The following SAMD3 variants were observed in gnomAD, a reference collection of about 807,000 sequenced individuals.
SAMD3 encodes sterile alpha motif domain containing 3.
SAMD3 carries 63 observed loss-of-function variants against 58.5 expected under a neutral mutation model. The observed-to-expected ratio is 1.08, with a 90% CI of 0.88 to 1.33. SAMD3 has a LOEUF of 1.33. Among genes scored for constraint, SAMD3 ranks in the 40% most tolerant of loss-of-function variants. The probability of loss-of-function intolerance (pLI) is 0.00; values close to 1 mark genes in which losing one functional copy is unlikely to be tolerated. For missense variants in SAMD3, 604 were observed against 608.4 expected (o/e 0.99, Z 0.08); for synonymous variants, 220 against 210.3 (o/e 1.05, Z -0.40).
intron 8 of SAMD3, among the ~76,000 whole-genome samples, chr6:130,170,853 G>A (rs1791184191): frequency 1.3e-5 from 2 of 152,194 alleles, no homozygotes; most frequent in Non-Finnish European, 2.9e-5. Context: ...CGAGATGATG[G>A]TGTTTTCTAA....
At chr6:130,298,493 A>C (rs7755670) in intron 2 of SAMD3, among the ~76,000 whole-genome samples, 2 of 152,146 alleles carry the variant, frequency 1.3e-5, no homozygotes, top group African/African-American at 2.4e-5. Context: ...ATCACTTAGC[A>C]ACAGTATGAC....
chr6:130,204,834 A>G (rs568188822), intron 5 of SAMD3, among the ~76,000 whole-genome samples: 1 of 147,388 alleles, frequency 6.8e-6, no homozygotes, highest in South Asian at 2.2e-4. Context: ...GGAACAGAGG[A>G]AAAAAAAAAT....
At chr6:130,268,574 T>C (rs1774443763) in intron 2 of SAMD3, among the ~76,000 whole-genome samples, 1 of 152,174 alleles carries the variant, frequency 6.6e-6, no homozygotes, top group Admixed American at 6.5e-5. Flanking sequence ...CCTATATAGA[T>C]GCACCACTTT....
intron 2 of SAMD3, among the ~76,000 whole-genome samples, chr6:130,240,144 A>G (rs971969017): frequency 3.3e-5 from 5 of 152,176 alleles, no homozygotes; most frequent in African/African-American, 1.2e-4. Flanking sequence ...AAAATAGAAG[A>G]AGGACAAGAT....
intron 5 of SAMD3, among the ~76,000 whole-genome samples, chr6:130,206,167 G>T (rs1333315248): frequency 6.6e-6 from 1 of 152,192 alleles, no homozygotes; most frequent in African/African-American, 2.4e-5. Flanking sequence ...ACAAGTGATT[G>T]CCCAGGAGGG....
At chr6:130,225,269 G>A (rs191077422), upstream of SAMD3, among the ~76,000 whole-genome samples, 3 of 152,338 alleles carry the variant, frequency 2.0e-5, no homozygotes, top group African/African-American at 4.8e-5. Context: ...AGGTGCTGCA[G>A]TCCAGGAAAT....
At chr6:130,319,369 TA>T (rs374093128) in intron 1 of SAMD3, among the ~76,000 whole-genome samples, 1 of 151,540 alleles carries the variant, frequency 6.6e-6, no homozygotes, top group Admixed American at 6.6e-5. Flanking sequence ...TAAAACCAGT[TA>T]AAAAAAGAAA....
intron 2 of SAMD3, among the ~76,000 whole-genome samples, chr6:130,276,477 A>C (rs763492854): frequency 2.6e-5 from 4 of 152,178 alleles, no homozygotes; most frequent in Non-Finnish European, 5.9e-5. Flanking sequence ...TGGGTGGAAT[A>C]ATATGAGTCT....
Position 130,317,844 on chromosome 6 carries a change from A to G in SAMD3, c.-303-4751T>C, listed in dbSNP as rs554249504. ...TAGTGTCCCAGCTTACTGCCTGGAGAGAGTATTCAGGCTGCAGGCCTATAT... is the reference window on the plus strand; with the variant it reads ...TAGTGTCCCAGCTTACTGCCTGGAGGGAGTATTCAGGCTGCAGGCCTATAT... On this transcript the variant is annotated intron_variant, in intron 1 of 13. Transcript: ENST00000368134. Among the ~76,000 whole-genome samples, 5 of 152,328 alleles carry G rather than the reference A, an allele frequency of 3.3e-5. No individual in the cohort carries two copies. In the South Asian group the frequency reaches 1.0e-3, roughly 32 times the overall value.
chr6:130,329,492 T>G (rs1186656192), intron 1 of SAMD3, among the ~76,000 whole-genome samples: 1 of 152,182 alleles, frequency 6.6e-6, no homozygotes, highest in Admixed American at 6.5e-5. Flanking sequence ...TCAACCATTG[T>G]GGAAGACAGT....
At chr6:130,189,103 C>CAAAAAAAAAAAAAAAACA (rs71028200) in intron 5 of SAMD3, among the ~76,000 whole-genome samples, 1 of 138,504 alleles carries the variant, frequency 7.2e-6, no homozygotes, top group African/African-American at 2.6e-5. Flanking sequence ...TTAAAAAAAC[C>CAAAAAAAAAAAAAAAACA]AAAAAAAAAA....
intron 2 of SAMD3, among the ~76,000 whole-genome samples, chr6:130,295,168 C>T (rs1417198569): frequency 1.3e-5 from 2 of 152,270 alleles, no homozygotes; most frequent in African/African-American, 4.8e-5. Flanking sequence ...GGTGAACCAT[C>T]CACCTCGGCC....
chr6:130,272,217 C>T (rs1774590532), intron 2 of SAMD3, among the ~76,000 whole-genome samples: 1 of 152,146 alleles, frequency 6.6e-6, no homozygotes, highest in South Asian at 2.1e-4. Context: ...TGACCATTAT[C>T]CCATCTCCAT....
chr6:130,344,670 T>C (rs1431067037), intron 1 of SAMD3, among the ~76,000 whole-genome samples: 2 of 151,934 alleles, frequency 1.3e-5, no homozygotes, highest in African/African-American at 4.8e-5. Context: ...ATTACTGGCG[T>C]GAGCCATGGA....
At chr6:130,321,382 C>CT (rs1311077429) in intron 1 of SAMD3, among the ~76,000 whole-genome samples, 1 of 152,148 alleles carries the variant, frequency 6.6e-6, no homozygotes, top group East Asian at 1.9e-4. Flanking sequence ...AGCCCCAACC[C>CT]TGATGGCTGA....
At chr6:130,347,858 A>G (rs551169478) in intron 1 of SAMD3, among the ~76,000 whole-genome samples, 3 of 152,250 alleles carry the variant, frequency 2.0e-5, no homozygotes, top group African/African-American at 4.8e-5. Context: ...AGGGAAGCCC[A>G]TCAGACTAAC....
chr6:130,197,198 A>T (rs555596294), intron 5 of SAMD3, among the ~76,000 whole-genome samples: 18 of 152,230 alleles, frequency 1.2e-4, no homozygotes, highest in Non-Finnish European at 2.5e-4. Flanking sequence ...GCTCCGTTTT[A>T]TTAGGCCCAG....
At chr6:130,195,909 C>A (rs540736495) in intron 5 of SAMD3, among the ~76,000 whole-genome samples, 1 of 152,258 alleles carries the variant, frequency 6.6e-6, no homozygotes, top group African/African-American at 2.4e-5. Context: ...CCTAACAAAA[C>A]CATTATATAA....
intron 1 of SAMD3, among the ~76,000 whole-genome samples, chr6:130,220,892 T>C (rs538768403): frequency 1.5e-3 from 235 of 152,192 alleles, no homozygotes; most frequent in African/African-American, 3.6e-3. Flanking sequence ...CTCGCTCTGT[T>C]GCCCAGGCTG....
Sources: gnomAD v4.1 joint callset for allele counts (sites outside exome capture counted in the v4.1 genomes callset) on GRCh38, gnomAD v4.1.1 for gene constraint, MANE v1.5 for transcripts, NCBI Gene and HGNC (gene_info 2026-07-23, HGNC 2026-07-21) for gene names.